Variants in NOX1 observed in about 807,000 individuals in gnomAD.
NOX1 encodes NADPH oxidase 1.
Under a neutral mutation model 42.5 loss-of-function variants are expected in NOX1, and 34 were observed. The observed-to-expected ratio is 0.80, with a 90% CI of 0.61 to 1.07. The LOEUF is 1.07. Ranked by LOEUF, NOX1 falls within the 50% of genes least tolerant of loss-of-function variation. The pLI is 0.00. For missense variants in NOX1, 408 were observed against 427.0 expected (o/e 0.96, Z 0.39); for synonymous variants, 143 against 152.5 (o/e 0.94, Z 0.46).
At chrX:100,863,963 CAGATAT>C (rs72563175) in intron 2 of NOX1, among the ~76,000 whole-genome samples, 58 of 110,771 alleles carry the variant, frequency 5.2e-4, no homozygotes, top group Admixed American at 1.5e-3. Flanking sequence ...TCCTAAGGAT[CAGATAT>C]AGATATAGAT....
At chrX:100,856,891 T>A (rs1043583071) in intron 7 of NOX1, among the ~76,000 whole-genome samples, 1 of 111,702 alleles carries the variant, frequency 9.0e-6, no homozygotes, top group Non-Finnish European at 1.9e-5. Flanking sequence ...CTTTTTTTTT[T>A]AACTTCTATT....
intron 1 of NOX1, among the ~76,000 whole-genome samples, chrX:100,873,380 A>G (rs993517966): frequency 3.6e-5 from 4 of 112,061 alleles, no homozygotes; most frequent in African/African-American, 1.3e-4. Context: ...TGTACAATCA[A>G]TAAGTTGGTT....
At chrX:100,856,189 A>G (rs1402092534) in intron 7 of NOX1, 2 of 952,608 alleles carry the variant, frequency 2.1e-6, no homozygotes, top group Non-Finnish European at 3.0e-6. Context: ...CCTCCTCCAC[A>G]GTGGCGTATG....
At chrX:100,846,747 A>AT (rs2085075553) in intron 12 of NOX1, among the ~76,000 whole-genome samples, 1 of 112,503 alleles carries the variant, frequency 8.9e-6, no homozygotes, top group South Asian at 3.6e-4. Flanking sequence ...TTTACAAAGC[A>AT]TTTTTTCATA....
chrX:100,864,330 C>A lies in NOX1; in HGVS notation c.142-735G>T, dbSNP rs140569427. Among the ~76,000 whole-genome samples, 856 of 112,285 alleles carry A rather than the reference C, an allele frequency of 7.6e-3. 13 individuals carry two copies. Among genetic ancestry groups the A allele is most frequent in the African/African-American group, 0.026 (801 of 30,927 alleles). The stretch of plus-strand genomic sequence containing the variant: ...CTTTATTTGCATTTTAAATAAAGCT[C>A]ATACTTAGAGGTACAATTACAGATG... On this transcript the variant is annotated intron_variant, in intron 2 of 12. Transcript: ENST00000372966.
At position 100,851,291 on chromosome X, in the gene NOX1, T is replaced by A. The variant is rs148147755; in HGVS notation, c.839A>T (p.Tyr280Phe). The change falls in exon 8 of 13, where the codon TAT becomes TTT. Residue 280 changes from tyrosine to phenylalanine, a missense_variant. Coordinates refer to ENST00000372966, the MANE Select transcript of NOX1 (RefSeq NM_007052.5). Reference sequence around the variant, plus strand: ...AAACCGGAGGATCCTTTCACAGATATAAAGAATGACCGGTGCAAGGATCCA... The same window carrying A: ...AAACCGGAGGATCCTTTCACAGATAAAAAGAATGACCGGTGCAAGGATCCA... ...WKWILAPVIL[Y>F]ICERILRFYR... 2.5e-6 allele frequency: 3 copies of A among 1,194,804 alleles called. No homozygotes were observed. The South Asian group carries it at 5.5e-5, about 22-fold the overall frequency.
rs1225049199 is a variant in NOX1, at chrX:100,843,467, G to C, written c.*485C>G. 1 of 1,089,263 alleles carries C rather than the reference G, an allele frequency of 9.2e-7. No individual in the cohort carries two copies. The highest frequency in any genetic ancestry group is 2.0e-5 in the African/African-American group (1 of 50,985). The allele number at this position is 1,089,263 out of a possible 1,213,427, so 89.8% of individuals were successfully genotyped here. On this transcript the variant is annotated 3_prime_UTR_variant, in exon 13 of 13. Transcript: ENST00000372966. ...TGGGGATGGGGTTCTCGGTAATTTT[G>C]TTTATTATTTATGTTTATTATTATG... is the stretch of plus-strand genomic sequence containing the variant.
At chrX:100,847,166 G>T (rs2085079399) in intron 12 of NOX1, among the ~76,000 whole-genome samples, 1 of 111,112 alleles carries the variant, frequency 9.0e-6, no homozygotes, top group Non-Finnish European at 1.9e-5. Flanking sequence ...TCCAGCCTGG[G>T]TGACAAAGCA....
At position 100,846,927 on chromosome X, in the gene NOX1, G is replaced by C. The variant is rs1039132007; in HGVS notation, c.1568+1703C>G. On this transcript the variant is annotated intron_variant, in intron 12 of 12. Transcript: ENST00000372966. The stretch of plus-strand genomic sequence containing the variant: ...ATAAGGGCCGGGCATGGTGGCTCAT[G>C]CTGTAATCCCAGCACTTTGGGAGGC... Among the ~76,000 whole-genome samples, 56 of 110,293 alleles carry C rather than the reference G, an allele frequency of 5.1e-4. No individual in the cohort carries two copies. The Admixed American group carries it at 5.2e-3, about 10-fold the overall frequency.
intron 12 of NOX1, among the ~76,000 whole-genome samples, chrX:100,845,242 A>ACAAT (rs2085064685): frequency 9.0e-6 from 1 of 110,927 alleles, no homozygotes; most frequent in Non-Finnish European, 1.9e-5. Flanking sequence ...CCTACCCAAG[A>ACAAT]CAATCACTTT....
At chrX:100,856,034 G>A (rs1397516391) in intron 7 of NOX1, 19 of 1,098,641 alleles carry the variant, frequency 1.7e-5, no homozygotes, top group Middle Eastern at 6.8e-4. Flanking sequence ...ATGTTCTTCC[G>A]TGTCTTCTTT....
intron 7 of NOX1, chrX:100,855,550 T>TGCCACTCCTGCCATAGCC (rs2085160921): frequency 1.3e-6 from 1 of 768,094 alleles, no homozygotes; most frequent in African/African-American, 2.1e-5. Context: ...CTGTCATAGC[T>TGCCACTCCTGCCATAGCC]GCCACTCCTG....
chrX:100,852,153 A>G lies in NOX1; in HGVS notation c.805-828T>C, dbSNP rs1011814139. ...CATTTAACATAGTAATATCTTTTTT[A>G]CCTTGTCTACATTTTTTTTAAAGGC... On this transcript the variant is annotated intron_variant, in intron 7 of 12. Transcript: ENST00000372966. Among the ~76,000 whole-genome samples, 9 of 112,344 alleles carry G rather than the reference A, an allele frequency of 8.0e-5. No individual in the cohort carries two copies. The Admixed American group carries it at 8.5e-4, about 11-fold the overall frequency.
Position 100,849,326 on chromosome X carries a change from C to T in NOX1, c.1397G>A (p.Gly466Asp), listed in dbSNP as rs1484767396. The change falls in exon 11 of 13, where the codon GGT becomes GAT. Residue 466 changes from glycine (G) to aspartate (D), a missense_variant. Coordinates refer to ENST00000372966, the MANE Select transcript of NOX1 (RefSeq NM_007052.5). ...GAGGAAGAGACGGTAGTTTAGAAAA[C>T]CCACTTTGCCTAATTCCTCCATCTC... is the stretch of plus-strand genomic sequence containing the variant. ...EQEMEELGKV[G>D]FLNYRLFLTG... is the part of the protein sequence containing the mutation. The T allele has an allele frequency of 9.9e-6, 12 of 1,209,849 alleles. No homozygotes were observed. The highest frequency in any genetic ancestry group is 8.7e-5 in the Admixed American group (4 of 45,814).
Position 100,855,362 on chromosome X carries a change from C to T in NOX1, c.805-4037G>A, listed in dbSNP as rs1291376152. 5.1e-6 allele frequency: 3 copies of T among 593,817 alleles called. No homozygotes were observed. The Admixed American group carries it at 6.7e-5, about 13-fold the overall frequency. The allele number at this position is 593,817 out of a possible 1,213,427, so 48.9% of individuals were successfully genotyped here. A position where few individuals can be genotyped will look rare whatever the true frequency, so the allele number is the denominator to read the frequency against. On this transcript the variant is annotated intron_variant, in intron 7 of 12. Transcript: ENST00000372966. ...TAGCCACTGTGGTTTGGTGGTTTGG[C>T]AAAGTATTGGCCTCCATCACCCTAG...
intron 1 of NOX1, among the ~76,000 whole-genome samples, chrX:100,872,135 C>T (rs896417395): frequency 1.8e-5 from 2 of 111,925 alleles, no homozygotes; most frequent in African/African-American, 6.5e-5. Flanking sequence ...CCTGCTTTAC[C>T]AATCAATTTC....
Position 100,855,200 on chromosome X carries a change from T to C in NOX1, c.805-3875A>G, listed in dbSNP as rs190359245. On this transcript the variant is annotated intron_variant, in intron 7 of 12. Transcript: ENST00000372966. ...TGGCAGCTAGGCCCTGCCACCACTGTGTTTGGCTGAGTTCATGAATCTGTT... is the reference window on the plus strand; with the variant it reads ...TGGCAGCTAGGCCCTGCCACCACTGCGTTTGGCTGAGTTCATGAATCTGTT... 499 of 466,714 alleles carry C rather than the reference T, an allele frequency of 1.1e-3. 3 individuals are homozygous for C. Among genetic ancestry groups the C allele is most frequent in the African/African-American group, 0.01 (436 of 42,301 alleles). 38.5% of individuals were successfully genotyped at this position (466,714 alleles called of 1,213,427 possible). A position where few individuals can be genotyped will look rare whatever the true frequency, so the allele number is the denominator to read the frequency against.
chrX:100,866,028 C>T (rs1176582874), intron 2 of NOX1, among the ~76,000 whole-genome samples: 1 of 111,306 alleles, frequency 9.0e-6, no homozygotes, highest in African/African-American at 3.3e-5. Flanking sequence ...TGAGATCAGC[C>T]TGGCCAACAT....
intron 7 of NOX1, among the ~76,000 whole-genome samples, chrX:100,852,342 G>A (rs748584519): frequency 1.8e-3 from 202 of 110,957 alleles, no homozygotes; most frequent in African/African-American, 6.5e-3. Flanking sequence ...GGTGGTGGGT[G>A]CCTGTAATCC....
Sources: allele counts gnomAD v4.1 joint callset (sites outside exome capture counted in the v4.1 genomes callset), GRCh38; gene constraint gnomAD v4.1.1; transcripts MANE v1.5; gene names NCBI Gene and HGNC (gene_info 2026-07-23, HGNC 2026-07-21).